The following SLC14A2 variants were observed in gnomAD, a reference collection of about 807,000 sequenced individuals.
SLC14A2 encodes urea transporter 2.
A neutral mutation model predicts 104.6 loss-of-function variants in SLC14A2; 91 were observed. The ratio of observed to expected loss-of-function variants is 0.87; its 90% confidence interval spans 0.73 to 1.04. The LOEUF (loss-of-function observed/expected upper bound fraction) is 1.04, where lower values mean the gene tolerates loss of function less well. Ranked by LOEUF, SLC14A2 falls within the 50% of genes least tolerant of loss-of-function variation. The pLI is 0.00. For missense variants in SLC14A2, 1,189 were observed against 1,156.0 expected (o/e 1.03, Z -0.41); for synonymous variants, 476 against 466.4 (o/e 1.02, Z -0.27).
chr18:45,271,678 T>C (rs2084652338), intron 1 of SLC14A2, among the ~76,000 whole-genome samples: 1 of 152,110 alleles, frequency 6.6e-6, no homozygotes, highest in Admixed American at 6.6e-5. Context: ...AAATATTCTA[T>C]GTTCATGGAT....
Position 45,665,714 on chromosome 18 carries a change from TTTG to T in SLC14A2, c.1475-420_1475-418del, listed in dbSNP as rs1166712514. Among the ~76,000 whole-genome samples, 549 of 110,512 alleles carry T rather than the reference TTTG, an allele frequency of 5.0e-3. 17 individuals are homozygous for T. Among genetic ancestry groups the T allele is most frequent in the African/African-American group, 0.016 (515 of 32,394 alleles). The allele number at this position is 110,512 out of a possible 152,430, so 72.5% of individuals were successfully genotyped here. A position where few individuals can be genotyped will look rare whatever the true frequency, so the allele number is the denominator to read the frequency against. On this transcript the variant is annotated intron_variant, in intron 11 of 19. Transcript: ENST00000255226. The stretch of plus-strand genomic sequence containing the variant: ...TTTTTTTTTTTTTTTTTTTTTTTTT[TTTG>T]TTCACCTTCAAGTTCTCCATGTGGA...
At chr18:45,414,725 C>G (rs1231530987) in intron 1 of SLC14A2, among the ~76,000 whole-genome samples, 1 of 122,268 alleles carries the variant, frequency 8.2e-6, no homozygotes, top group Non-Finnish European at 1.6e-5. Flanking sequence ...ATGCCAGGTG[C>G]GGTGCAAGGC....
At position 45,626,951 on chromosome 18, in the gene SLC14A2, CTT is replaced by C. The variant is rs775772418; in HGVS notation, c.332-5_332-4del. 9 of 1,607,014 alleles carry C rather than the reference CTT, an allele frequency of 5.6e-6. No individual in the cohort carries two copies. Among genetic ancestry groups the C allele is most frequent in the Non-Finnish European group, 7.7e-6 (9 of 1,176,070 alleles). ...CCTGCTGATGGCTCGCTCTCTGTCTCTTTCAGACAAGCACCTTGCCCTCCAGT... is the reference window on the plus strand; with the variant it reads ...CCTGCTGATGGCTCGCTCTCTGTCTCTCAGACAAGCACCTTGCCCTCCAGT... On this transcript the variant is annotated splice_region_variant and splice_polypyrimidine_tract_variant and intron_variant, in intron 3 of 19. Transcript: ENST00000255226.
At chr18:45,174,087 G>A in the SLC14A2 span, among the ~76,000 whole-genome samples, 1 of 152,022 alleles carries the variant, frequency 6.6e-6, no homozygotes, top group African/African-American at 2.4e-5. Flanking sequence ...CATTGATTAT[G>A]TTTCCCTCCC....
chr18:45,511,062 T>C (rs1241564506), intron 2 of SLC14A2, among the ~76,000 whole-genome samples: 2 of 152,106 alleles, frequency 1.3e-5, no homozygotes, highest in African/African-American at 4.8e-5. Flanking sequence ...AAGGTCCCCA[T>C]TCCTAGCTCC....
intron 1 of SLC14A2, among the ~76,000 whole-genome samples, chr18:45,219,494 A>C (rs1340537894): frequency 6.7e-6 from 1 of 149,546 alleles, no homozygotes; most frequent in Non-Finnish European, 1.5e-5. Flanking sequence ...GAATCTAGAG[A>C]GTAAGAGGAG....
At chr18:45,512,029 C>G (rs2043372685) in intron 2 of SLC14A2, among the ~76,000 whole-genome samples, 1 of 152,172 alleles carries the variant, frequency 6.6e-6, no homozygotes, top group South Asian at 2.1e-4. Context: ...GGGAAGGAAC[C>G]TAGGCAGAGC....
intron 8 of SLC14A2, among the ~76,000 whole-genome samples, chr18:45,642,666 C>G (rs2045550350): frequency 6.6e-6 from 1 of 152,216 alleles, no homozygotes; most frequent in Non-Finnish European, 1.5e-5. Context: ...TAGTAAGGTT[C>G]AGCCCTGGTG....
At chr18:45,599,206 A>T (rs538368043) in intron 2 of SLC14A2, among the ~76,000 whole-genome samples, 3 of 152,360 alleles carry the variant, frequency 2.0e-5, no homozygotes, top group Middle Eastern at 3.4e-3. Flanking sequence ...AATTTCATTT[A>T]ATTCTATTGC....
intron 7 of SLC14A2, among the ~76,000 whole-genome samples, chr18:45,640,867 T>G (rs2045515498): frequency 6.6e-6 from 1 of 152,200 alleles, no homozygotes; most frequent in Non-Finnish European, 1.5e-5. Context: ...AATATTTGTT[T>G]AACTCTTCAA....
chr18:45,442,631 A>G (rs1568206403), intron 1 of SLC14A2, among the ~76,000 whole-genome samples: 1 of 152,222 alleles, frequency 6.6e-6, no homozygotes, highest in Admixed American at 6.5e-5. Context: ...CTTATTTCCA[A>G]ATAAGATTAT....
upstream of SLC14A2, among the ~76,000 whole-genome samples, chr18:45,209,412 A>G (rs955306084): frequency 2.0e-5 from 3 of 152,132 alleles, no homozygotes; most frequent in African/African-American, 4.8e-5. Context: ...TACAGGTAAA[A>G]TCAGGTTTTA....
chr18:45,553,278 C>A (rs564612206), intron 2 of SLC14A2, among the ~76,000 whole-genome samples: 2 of 152,180 alleles, frequency 1.3e-5, no homozygotes, highest in Non-Finnish European at 2.9e-5. Flanking sequence ...ATTGTACATA[C>A]AAATAGTTGA....
intron 1 of SLC14A2, among the ~76,000 whole-genome samples, chr18:45,238,583 G>C (rs555441695): frequency 3.9e-5 from 6 of 152,152 alleles, no homozygotes; most frequent in Non-Finnish European, 8.8e-5. Context: ...AAAATCTTCA[G>C]ACCAATGATT....
At chr18:45,265,067 C>A (rs1182969536) in intron 1 of SLC14A2, among the ~76,000 whole-genome samples, 1 of 152,100 alleles carries the variant, frequency 6.6e-6, no homozygotes, top group African/African-American at 2.4e-5. Flanking sequence ...TCTTTGTATG[C>A]ACCTATACAT....
Position 45,553,586 on chromosome 18 carries a change from G to C in SLC14A2, c.-35+70264G>C, listed in dbSNP as rs59595880. Among the ~76,000 whole-genome samples the C allele has an allele frequency of 3.3e-3, 503 of 152,296 alleles. 5 individuals carry two copies. The highest frequency in any genetic ancestry group is 0.012 in the African/African-American group (484 of 41,562). On this transcript the variant is annotated intron_variant, in intron 2 of 20. Transcript: ENST00000586448. ...TGCTGTATGAGGTCAACTTTCATTA[G>C]ATTCTCGAGGGCCCTTTACTAAGAA...
At chr18:45,537,783 C>A (rs1454604575) in intron 2 of SLC14A2, among the ~76,000 whole-genome samples, 2 of 152,134 alleles carry the variant, frequency 1.3e-5, no homozygotes, top group Non-Finnish European at 2.9e-5. Context: ...AGAGTTGCCC[C>A]TAACTGCAAT....
At chr18:45,661,514 G>A (rs2045936883) in intron 10 of SLC14A2, among the ~76,000 whole-genome samples, 1 of 152,172 alleles carries the variant, frequency 6.6e-6, no homozygotes, top group South Asian at 2.1e-4. Context: ...AGACCCAAAT[G>A]CAATTCCTAG....
chr18:45,348,902 A>G (rs2085475200), intron 1 of SLC14A2, among the ~76,000 whole-genome samples: 1 of 152,190 alleles, frequency 6.6e-6, no homozygotes, highest in Admixed American at 6.5e-5. Context: ...TTCCTTTTAC[A>G]TGGCTAGTCA....
Sources: allele counts gnomAD v4.1 joint callset (sites outside exome capture counted in the v4.1 genomes callset), GRCh38; gene constraint gnomAD v4.1.1; transcripts MANE v1.5; gene names NCBI Gene and HGNC (gene_info 2026-07-23, HGNC 2026-07-21).